HECW2: variants seen among roughly 807,000 people sequenced by gnomAD.
The protein encoded by HECW2 is E3 ubiquitin-protein ligase HECW2.
HECW2 carries 61 observed loss-of-function variants against 175.2 expected under a neutral mutation model. That is an observed-to-expected ratio of 0.35 (90% CI 0.28 to 0.43). The LOEUF is 0.43. HECW2 is among the 20% of genes least tolerant of loss of function. The probability of loss-of-function intolerance (pLI) is 1.00; values close to 1 mark genes in which losing one functional copy is unlikely to be tolerated. For synonymous variants in HECW2, 671 were observed against 731.0 expected (o/e 0.92, Z 1.32); for missense variants, 1,524 against 2,000.5 (o/e 0.76, Z 4.54).
At chr2:196,455,712 A>G (rs1003694083) in intron 1 of HECW2, among the ~76,000 whole-genome samples, 1 of 152,182 alleles carries the variant, frequency 6.6e-6, no homozygotes, top group Non-Finnish European at 1.5e-5. Context: ...TTGAACACAT[A>G]CTTTTAATAA....
At position 196,318,617 on chromosome 2, in the gene HECW2, CCTT is replaced by C. The variant is rs757981529; in HGVS notation, c.2270_2272del (p.Glu757del). On this transcript the variant is annotated inframe_deletion, in exon 9 of 29. Transcript: ENST00000644978. ...GGTGCCTTGGGCCTCCCCAGCACTG[CCTT>C]CTTCTTGCGGTGGGCTCTCGGCAGC... 6 of 1,584,878 alleles carry C rather than the reference CCTT, an allele frequency of 3.8e-6. No individual in the cohort carries two copies. Among genetic ancestry groups the C allele is most frequent in the Admixed American group, 1.8e-5 (1 of 55,790 alleles).
At position 196,522,396 on chromosome 2, in the gene HECW2, A is replaced by G. The variant is rs563145606; in HGVS notation, c.-36+71112T>C. Among the ~76,000 whole-genome samples the G allele has an allele frequency of 2.6e-5, 4 of 152,272 alleles. No homozygotes were observed. The East Asian group carries it at 7.7e-4, about 29-fold the overall frequency. ...GATATTAGCCCTTTGTCAGATGAGT[A>G]GGTTGCGAAAACTTTCTCCCATTCT... On this transcript the variant is annotated intron_variant, in intron 1 of 28. Coordinates refer to ENST00000644978, the MANE Select transcript of HECW2 (RefSeq NM_001348768.2).
chr2:196,353,309 C>T (rs950730505), intron 2 of HECW2, among the ~76,000 whole-genome samples: 12 of 152,184 alleles, frequency 7.9e-5, no homozygotes, highest in Admixed American at 1.3e-4. Context: ...CATTTTGAAA[C>T]GCAAGTCTTC....
intron 10 of HECW2, among the ~76,000 whole-genome samples, chr2:196,308,966 T>C (rs1691375125): frequency 6.6e-6 from 1 of 152,238 alleles, no homozygotes; most frequent in Non-Finnish European, 1.5e-5. Context: ...GGAAAATTCT[T>C]TGTGCATTTA....
intron 13 of HECW2, among the ~76,000 whole-genome samples, chr2:196,296,085 T>C (rs1301386813): frequency 6.6e-6 from 1 of 152,204 alleles, no homozygotes; most frequent in Non-Finnish European, 1.5e-5. Context: ...TAAAAAAAAC[T>C]ATGTTTGAAT....
chr2:196,227,043 A>G (rs1372935499), intron 22 of HECW2, among the ~76,000 whole-genome samples: 1 of 152,224 alleles, frequency 6.6e-6, no homozygotes, highest in African/African-American at 2.4e-5. Context: ...TTCGTACAGT[A>G]AGTTTGTAAT....
At chr2:196,478,966 A>C (rs1686751306) in intron 1 of HECW2, among the ~76,000 whole-genome samples, 1 of 152,234 alleles carries the variant, frequency 6.6e-6, no homozygotes. Flanking sequence ...CCACTTTGTG[A>C]AGAGCAACAC....
intron 3 of HECW2, among the ~76,000 whole-genome samples, chr2:196,338,923 G>GACATGCTCACTTGTCAGTT: frequency 1.3e-5 from 2 of 152,250 alleles, no homozygotes; most frequent in South Asian, 2.1e-4. Flanking sequence ...ACATGCCAGT[G>GACATGCTCACTTGTCAGTT]ACATGCTCAC....
chr2:196,292,294 A>C, intron 14 of HECW2: 1 of 377,056 alleles, frequency 2.7e-6, no homozygotes. Flanking sequence ...AGCAGAGCAT[A>C]GAGAGAGATG....
At chr2:196,244,153 G>A (rs1688563555) in intron 19 of HECW2, among the ~76,000 whole-genome samples, 1 of 152,178 alleles carries the variant, frequency 6.6e-6, no homozygotes, top group South Asian at 2.1e-4. Context: ...TACTATGTTA[G>A]GTTCACCAAT....
At chr2:196,362,006 G>C (rs1382266199) in intron 2 of HECW2, 12 of 985,224 alleles carry the variant, frequency 1.2e-5, no homozygotes, top group Non-Finnish European at 1.4e-5. Context: ...AGCTCTGCAG[G>C]TCCACTTCAC....
chr2:196,448,993 A>G (rs1696268342), intron 1 of HECW2, among the ~76,000 whole-genome samples: 1 of 152,188 alleles, frequency 6.6e-6, no homozygotes, highest in Admixed American at 6.5e-5. Flanking sequence ...GAACACTTGT[A>G]CTCAGGAATC....
intron 1 of HECW2, among the ~76,000 whole-genome samples, chr2:196,514,788 G>A (rs894865441): frequency 1.5e-4 from 23 of 152,286 alleles, no homozygotes; most frequent in African/African-American, 5.3e-4. Flanking sequence ...AGTCTCCTGA[G>A]AGCAGTTCTG....
chr2:196,293,860 T>C (rs1031291678), intron 13 of HECW2, among the ~76,000 whole-genome samples: 2 of 152,170 alleles, frequency 1.3e-5, no homozygotes, highest in African/African-American at 4.8e-5. Flanking sequence ...GCCATACATT[T>C]CTATACTAGA....
At chr2:196,310,543 A>C (rs181880962) in intron 10 of HECW2, among the ~76,000 whole-genome samples, 7 of 152,280 alleles carry the variant, frequency 4.6e-5, no homozygotes, top group Middle Eastern at 3.4e-3. Context: ...GCTGGGTACA[A>C]CTGCTCCAAC....
chr2:196,394,723 TA>T (rs945888872), intron 2 of HECW2, among the ~76,000 whole-genome samples: 1 of 152,206 alleles, frequency 6.6e-6, no homozygotes, highest in Non-Finnish European at 1.5e-5. Flanking sequence ...ATATTACTTC[TA>T]AAAATGTCTG....
chr2:196,582,069 A>AAATAATAATAATAAT (rs572551572), intron 1 of HECW2, among the ~76,000 whole-genome samples: 31 of 150,336 alleles, frequency 2.1e-4, no homozygotes, highest in African/African-American at 7.7e-4. Context: ...CCATCTCGAA[A>AAATAATAATAATAAT]AATAATAATA....
chr2:196,524,363 CTCT>C (rs1688549946), intron 1 of HECW2, among the ~76,000 whole-genome samples: 2 of 101,780 alleles, frequency 2.0e-5, no homozygotes, highest in Non-Finnish European at 3.6e-5. Context: ...TGATTCTTCT[CTCT>C]TTTTTTCTTT....
At chr2:196,525,153 G>A (rs1365945883) in intron 1 of HECW2, among the ~76,000 whole-genome samples, 1 of 146,886 alleles carries the variant, frequency 6.8e-6, no homozygotes, top group African/African-American at 2.6e-5. Context: ...TTATGAATCT[G>A]GGTGCTCCTG....
Sources: allele counts gnomAD v4.1 joint callset (sites outside exome capture counted in the v4.1 genomes callset), GRCh38; gene constraint gnomAD v4.1.1; transcripts MANE v1.5; gene names NCBI Gene and HGNC (gene_info 2026-07-23, HGNC 2026-07-21).